PCDH9: variants seen among roughly 807,000 people sequenced by gnomAD.
The protein encoded by PCDH9 is protocadherin 9, also known as protocadherin-9.
A neutral mutation model predicts 70.6 loss-of-function variants in PCDH9; 24 were observed. The observed-to-expected ratio is 0.34, with a 90% CI of 0.25 to 0.48. PCDH9 has a LOEUF of 0.48. Ranked by LOEUF, PCDH9 falls within the 20% of genes least tolerant of loss-of-function variation. The pLI, the probability that PCDH9 is intolerant of heterozygous loss-of-function variation, is 0.99. For synonymous variants in PCDH9, 562 were observed against 558.5 expected (o/e 1.01, Z -0.09); for missense variants, 1,281 against 1,503.6 (o/e 0.85, Z 2.45).
intron 4 of PCDH9, among the ~76,000 whole-genome samples, chr13:66,397,433 T>C (rs549525619): frequency 1.4e-5 from 2 of 144,182 alleles, no homozygotes; most frequent in South Asian, 2.3e-4. Flanking sequence ...TATGTGTGTG[T>C]ATACATATAT....
intron 3 of PCDH9, among the ~76,000 whole-genome samples, chr13:66,648,131 C>G (rs2077797613): frequency 6.6e-6 from 1 of 152,196 alleles, no homozygotes; most frequent in Non-Finnish European, 1.5e-5. Flanking sequence ...AAGATAAACT[C>G]AATGCTCTGA....
chr13:66,666,186 G>C lies in PCDH9; in HGVS notation c.3139-34775C>G, dbSNP rs546047253. On this transcript the variant is annotated intron_variant, in intron 3 of 4. Transcript: ENST00000377865. ...GCAACAGGGGCACATCCAGAAGTCA[G>C]AGCTGGAAAACAGAGCAGGTCAAAC... 2.3e-4 allele frequency among the ~76,000 whole-genome samples: 35 copies of C among 152,356 alleles called. No homozygotes were observed. In the South Asian group the frequency reaches 6.2e-3, roughly 27 times the overall value.
chr13:66,708,171 T>G (rs1372447729), intron 3 of PCDH9, among the ~76,000 whole-genome samples: 1 of 150,648 alleles, frequency 6.6e-6, no homozygotes, highest in Non-Finnish European at 1.5e-5. Context: ...TGCCTCAGCC[T>G]CCCAAGTAGC....
At chr13:66,698,451 C>T (rs1350287304) in intron 3 of PCDH9, among the ~76,000 whole-genome samples, 1 of 152,174 alleles carries the variant, frequency 6.6e-6, no homozygotes, top group Non-Finnish European at 1.5e-5. Flanking sequence ...TTACATAGTG[C>T]TACTACTATT....
intron 4 of PCDH9, among the ~76,000 whole-genome samples, chr13:66,609,799 A>T (rs1026820123): frequency 4.6e-5 from 7 of 152,122 alleles, no homozygotes; most frequent in Non-Finnish European, 1.0e-4. Context: ...AATATTCATA[A>T]AATATAAATG....
At chr13:67,161,952 GC>G (rs2087974324) in intron 2 of PCDH9, among the ~76,000 whole-genome samples, 2 of 152,172 alleles carry the variant, frequency 1.3e-5, no homozygotes, top group South Asian at 2.1e-4. Context: ...AATAAATAGT[GC>G]TTGGGAATTG....
intron 2 of PCDH9, among the ~76,000 whole-genome samples, chr13:67,188,987 A>T (rs1368812738): frequency 6.6e-6 from 1 of 151,970 alleles, no homozygotes; most frequent in East Asian, 1.9e-4. Flanking sequence ...TGTCATTCTT[A>T]TGCCTTTGCA....
chr13:66,853,837 T>C (rs911183139), intron 3 of PCDH9, among the ~76,000 whole-genome samples: 1 of 152,024 alleles, frequency 6.6e-6, no homozygotes, highest in African/African-American at 2.4e-5. Flanking sequence ...AGCATGCTGA[T>C]TAGCTGGGAC....
At chr13:66,820,766 C>A (rs1309741232) in intron 3 of PCDH9, among the ~76,000 whole-genome samples, 3 of 152,102 alleles carry the variant, frequency 2.0e-5, no homozygotes, top group Admixed American at 2.0e-4. Flanking sequence ...CTAAATACTT[C>A]ATGTTTTCAC....
intron 4 of PCDH9, among the ~76,000 whole-genome samples, chr13:66,556,454 T>C (rs1961745786): frequency 6.6e-6 from 1 of 152,142 alleles, no homozygotes; most frequent in South Asian, 2.1e-4. Context: ...GAATTTTTAT[T>C]AGCCTGAAAA....
At position 67,165,753 on chromosome 13, in the gene PCDH9, A is replaced by C. The variant is rs74095379; in HGVS notation, c.3036+59652T>G. ...AAAAAATGTTTAACAGTTGTATAGG[A>C]GTTAATTATCTTATTTTAAAAATAC... On this transcript the variant is annotated intron_variant, in intron 2 of 4. Coordinates refer to ENST00000377865, the MANE Select transcript of PCDH9 (RefSeq NM_203487.3). 7.1e-3 allele frequency among the ~76,000 whole-genome samples: 1,075 copies of C among 152,314 alleles called. 14 individuals carry two copies. The highest frequency in any genetic ancestry group is 0.025 in the African/African-American group (1,021 of 41,566).
chr13:66,352,562 C>A (rs1026798633), intron 4 of PCDH9, among the ~76,000 whole-genome samples: 82 of 152,204 alleles, frequency 5.4e-4, no homozygotes, highest in African/African-American at 1.9e-3. Flanking sequence ...GTGGAGAGGG[C>A]TAATGAGTGA....
At chr13:66,446,563 T>C (rs1958093913) in intron 4 of PCDH9, among the ~76,000 whole-genome samples, 1 of 152,058 alleles carries the variant, frequency 6.6e-6, no homozygotes, top group Non-Finnish European at 1.5e-5. Context: ...ATGAAAGGAA[T>C]GTTACTAGTT....
At chr13:66,364,208 C>T (rs1956517627) in intron 4 of PCDH9, among the ~76,000 whole-genome samples, 1 of 152,048 alleles carries the variant, frequency 6.6e-6, no homozygotes. Context: ...TTTCTCATAT[C>T]CGTTTTACTT....
intron 2 of PCDH9, among the ~76,000 whole-genome samples, chr13:67,082,511 G>T (rs1462365017): frequency 1.3e-5 from 2 of 152,156 alleles, no homozygotes; most frequent in East Asian, 3.9e-4. Context: ...TTGCTTCCAT[G>T]TCCTGTCTAT....
chr13:66,521,507 T>C (rs923888788), intron 4 of PCDH9, among the ~76,000 whole-genome samples: 7 of 152,144 alleles, frequency 4.6e-5, no homozygotes, highest in African/African-American at 1.7e-4. Context: ...TTCAATTTTA[T>C]GAAAACTGTC....
chr13:66,798,612 G>A (rs1417587522), intron 3 of PCDH9, among the ~76,000 whole-genome samples: 1 of 152,084 alleles, frequency 6.6e-6, no homozygotes, highest in Non-Finnish European at 1.5e-5. Flanking sequence ...TCTACCCTGG[G>A]CAACTGACCT....
chr13:66,718,456 T>C (rs1480009249), intron 3 of PCDH9, among the ~76,000 whole-genome samples: 1 of 152,158 alleles, frequency 6.6e-6, no homozygotes, highest in Admixed American at 6.5e-5. Context: ...TTAATTTTGA[T>C]TTCATAATCC....
chr13:66,789,321 TAA>T, intron 3 of PCDH9, among the ~76,000 whole-genome samples: 1 of 152,310 alleles, frequency 6.6e-6, no homozygotes, highest in Admixed American at 6.5e-5. Flanking sequence ...CCCCCGTGGC[TAA>T]TAGTTTCTAT....
Sources: allele counts gnomAD v4.1 joint callset (sites outside exome capture counted in the v4.1 genomes callset), GRCh38; gene constraint gnomAD v4.1.1; transcripts MANE v1.5; gene names NCBI Gene and HGNC (gene_info 2026-07-23, HGNC 2026-07-21).